TFCP2: variants seen among roughly 807,000 people sequenced by gnomAD.
TFCP2 encodes the protein transcription factor CP2, also known as alpha-globin transcription factor CP2.
A neutral mutation model predicts 73.4 loss-of-function variants in TFCP2; 33 were observed. The ratio of observed to expected loss-of-function variants is 0.45; its 90% confidence interval spans 0.34 to 0.60. The LOEUF is 0.60. Ranked by LOEUF, TFCP2 falls within the 20% of genes least tolerant of loss-of-function variation. The pLI, the probability that TFCP2 is intolerant of heterozygous loss-of-function variation, is 0.01. For synonymous variants in TFCP2, 193 were observed against 211.6 expected, an observed-to-expected ratio of 0.91 and a Z score of 0.76; for missense variants, 352 against 604.0, an observed-to-expected ratio of 0.58 and a Z score of 4.37.
intron 8 of TFCP2, among the ~76,000 whole-genome samples, chr12:51,104,762 A>C (rs1940188757): frequency 6.7e-6 from 1 of 150,362 alleles, no homozygotes; most frequent in African/African-American, 2.5e-5. Context: ...CCCAGGCCGG[A>C]GTGCAGCGGC....
intron 1 of TFCP2, among the ~76,000 whole-genome samples, chr12:51,157,678 TTTC>T (rs1941565589): frequency 2.0e-5 from 1 of 49,418 alleles, no homozygotes; most frequent in Admixed American, 2.6e-4. Flanking sequence ...AGTTTTTTCT[TTTC>T]TTTTCTTTTT....
At chr12:51,107,969 G>A (rs755205475) in intron 6 of TFCP2, among the ~76,000 whole-genome samples, 4 of 151,428 alleles carry the variant, frequency 2.6e-5, no homozygotes, top group Non-Finnish European at 5.9e-5. Context: ...AGCTATGTAT[G>A]TGTGTGTATA....
chr12:51,163,793 G>A (rs1324013515), intron 1 of TFCP2, among the ~76,000 whole-genome samples: 1 of 151,728 alleles, frequency 6.6e-6, no homozygotes, highest in African/African-American at 2.4e-5. Context: ...ATAAAAAAAA[G>A]AAAGACCTTA....
At chr12:51,148,699 C>CAAA (rs140565414) in intron 1 of TFCP2, among the ~76,000 whole-genome samples, 7 of 100,114 alleles carry the variant, frequency 7.0e-5, no homozygotes, top group Admixed American at 3.5e-4. Context: ...GACTCTGTCT[C>CAAA]AAAAAAAAAA....
At chr12:51,159,660 G>T (rs770069695) in intron 1 of TFCP2, among the ~76,000 whole-genome samples, 45 of 151,972 alleles carry the variant, frequency 3.0e-4, no homozygotes, top group Non-Finnish European at 3.2e-4. Flanking sequence ...CTGAAATTTG[G>T]GTTTGTTTTT....
intron 1 of TFCP2, among the ~76,000 whole-genome samples, chr12:51,149,569 T>C (rs1019085503): frequency 6.6e-6 from 1 of 152,038 alleles, no homozygotes; most frequent in African/African-American, 2.4e-5. Context: ...AATGAAGAAA[T>C]AGATTACGTG....
chr12:51,131,264 G>A (rs1035343706), intron 1 of TFCP2, among the ~76,000 whole-genome samples: 95 of 150,668 alleles, frequency 6.3e-4, no homozygotes, highest in Non-Finnish European at 1.3e-4. Context: ...GAACCCGGGA[G>A]GTGGAGCTTG....
intron 1 of TFCP2, among the ~76,000 whole-genome samples, chr12:51,140,388 ACT>A (rs1339389063): frequency 1.4e-5 from 2 of 143,150 alleles, no homozygotes; most frequent in Non-Finnish European, 3.1e-5. Flanking sequence ...ATATAGTGAG[ACT>A]CTGTCTTTCT....
At chr12:51,142,657 T>C (rs553823150) in intron 1 of TFCP2, among the ~76,000 whole-genome samples, 1 of 152,310 alleles carries the variant, frequency 6.6e-6, no homozygotes, top group South Asian at 2.1e-4. Context: ...CCATGGATCA[T>C]TCCCATTAGC....
chr12:51,151,678 C>T (rs1012818223), intron 1 of TFCP2, among the ~76,000 whole-genome samples: 8 of 152,118 alleles, frequency 5.3e-5, no homozygotes, highest in East Asian at 1.9e-4. Flanking sequence ...CCTTGTGATC[C>T]GCCCGCCTCG....
chr12:51,105,138 G>A (rs1308111262), intron 8 of TFCP2, among the ~76,000 whole-genome samples: 2 of 148,276 alleles, frequency 1.3e-5, no homozygotes, highest in African/African-American at 4.9e-5. Flanking sequence ...CGTTTGCCCA[G>A]GCTGGAGCGC....
Position 51,109,101 on chromosome 12 carries a change from A to T in TFCP2, c.717+20T>A. 6.2e-7 allele frequency: 1 copy of T among 1,613,008 alleles called. No homozygotes were observed. The highest frequency in any genetic ancestry group is 8.5e-7 in the Non-Finnish European group (1 of 1,179,154). On this transcript the variant is annotated intron_variant, in intron 6 of 14. Coordinates refer to ENST00000257915, the MANE Select transcript of TFCP2 (RefSeq NM_005653.5). ...GATAAGGTAAAAGAATCCAAGGGCC[A>T]GCACATTGCCCAGGAATACCTTGAA...
chr12:51,110,238 T>C lies in TFCP2; in HGVS notation c.564+639A>G, dbSNP rs552330367. Among the ~76,000 whole-genome samples, 13 of 152,274 alleles carry C rather than the reference T, an allele frequency of 8.5e-5. No individual in the cohort carries two copies. The South Asian group carries it at 2.1e-3, about 24-fold the overall frequency. ...ACGCAAATCAAATTTTAAGTATAAA[T>C]ATGTTCAAAATAACATCACAGATAA... On this transcript the variant is annotated intron_variant, in intron 5 of 14. Coordinates refer to ENST00000257915, the MANE Select transcript of TFCP2 (RefSeq NM_005653.5).
At chr12:51,098,675 G>A (rs111609862) in intron 13 of TFCP2, 101 bp downstream of exon 13, 1 of 1,343,896 alleles carries the variant, frequency 7.4e-7, no homozygotes, top group Admixed American at 2.2e-5. Flanking sequence ...GAAACCCTCT[G>A]ATCTAGAAAA....
intron 1 of TFCP2, among the ~76,000 whole-genome samples, chr12:51,132,285 G>A (rs1000468686): frequency 1.3e-5 from 2 of 148,990 alleles, no homozygotes; most frequent in African/African-American, 4.9e-5. Context: ...ACTGGATCTG[G>A]GCTGGTAACT....
chr12:51,093,724 A>C lies in TFCP2; in HGVS notation c.*1517T>G, dbSNP rs1939884849. On this transcript the variant is annotated 3_prime_UTR_variant, in exon 15 of 15. Transcript: ENST00000257915. ...GTCATTGACTTAATTTTTTGGTTTCAAAGTTTTCAATTTGTTTCAAACCAA... is the reference window on the plus strand; with the variant it reads ...GTCATTGACTTAATTTTTTGGTTTCCAAGTTTTCAATTTGTTTCAAACCAA... 1 of 152,104 alleles carries C rather than the reference A, an allele frequency of 6.6e-6. No homozygotes were observed. The highest frequency in any genetic ancestry group is 2.1e-4 in the South Asian group (1 of 4,830). The allele number at this position is 152,104 out of a possible 1,614,324, so 9.4% of individuals were successfully genotyped here.
intron 1 of TFCP2, among the ~76,000 whole-genome samples, chr12:51,122,185 T>A (rs1162376191): frequency 2.0e-5 from 3 of 152,046 alleles, no homozygotes. Context: ...ATAACAATGT[T>A]ATTATTTGAA....
chr12:51,155,137 C>G (rs937961787), intron 1 of TFCP2, among the ~76,000 whole-genome samples: 10 of 152,176 alleles, frequency 6.6e-5, no homozygotes, highest in Admixed American at 2.0e-4. Context: ...TATCAGTACT[C>G]CAAGTTCTCC....
intron 1 of TFCP2, among the ~76,000 whole-genome samples, chr12:51,122,671 A>C (rs114188241): frequency 0.016 from 2,481 of 152,216 alleles, 66 homozygotes; most frequent in African/African-American, 0.056. Context: ...ATGTTGAGGG[A>C]ATCCTTCTTC....
Sources: allele counts gnomAD v4.1 joint callset (sites outside exome capture counted in the v4.1 genomes callset), GRCh38; gene constraint gnomAD v4.1.1; transcripts MANE v1.5; gene names NCBI Gene and HGNC (gene_info 2026-07-23, HGNC 2026-07-21).